The following CDH23 variants were observed in gnomAD, a reference collection of about 807,000 sequenced individuals.
CDH23 encodes the protein cadherin related 23, also known as cadherin-23.
A neutral mutation model predicts 317.1 loss-of-function variants in CDH23; 189 were observed. The observed-to-expected ratio is 0.60, with a 90% CI of 0.53 to 0.67. The LOEUF (loss-of-function observed/expected upper bound fraction) is 0.67, where lower values mean the gene tolerates loss of function less well. Among genes scored for constraint, CDH23 ranks in the 30% least tolerant of loss-of-function variants. The pLI, the probability that CDH23 is intolerant of heterozygous loss-of-function variation, is 0.00. For synonymous variants in CDH23, 1,839 were observed against 1,876.8 expected (o/e 0.98, Z 0.52); for missense variants, 4,401 against 4,592.4 (o/e 0.96, Z 1.20).
intron 14 of CDH23, among the ~76,000 whole-genome samples, chr10:71,655,399 G>T (rs1308943157): frequency 1.3e-5 from 2 of 152,008 alleles, no homozygotes; most frequent in African/African-American, 4.8e-5. Flanking sequence ...CTACTCACCT[G>T]CCTCTCCCTC....
chr10:71,611,873 C>A (rs914276511), intron 9 of CDH23, among the ~76,000 whole-genome samples: 2 of 152,144 alleles, frequency 1.3e-5, no homozygotes, highest in Non-Finnish European at 2.9e-5. Context: ...CTTTTCTTTA[C>A]CGATTCTCCA....
At chr10:71,549,542 T>C (rs1856468216) in intron 6 of CDH23, among the ~76,000 whole-genome samples, 1 of 152,156 alleles carries the variant, frequency 6.6e-6, no homozygotes, top group Non-Finnish European at 1.5e-5. Context: ...AAGCAGCAAT[T>C]CAAATCATGT....
intron 27 of CDH23, chr10:71,712,207 A>G (rs565638059): frequency 6.3e-6 from 1 of 158,122 alleles, no homozygotes; most frequent in Non-Finnish European, 1.4e-5. Context: ...GACACTTGCC[A>G]TTGGGTTTAT....
intron 44 of CDH23, among the ~76,000 whole-genome samples, chr10:71,786,143 A>G (rs903407439): frequency 6.6e-6 from 1 of 152,212 alleles, no homozygotes; most frequent in Admixed American, 6.5e-5. Context: ...ACCCACAAGC[A>G]TGCTCTGAGG....
chr10:71,666,121 G>T (rs1863881380), intron 14 of CDH23, among the ~76,000 whole-genome samples: 1 of 152,052 alleles, frequency 6.6e-6, no homozygotes, highest in South Asian at 2.1e-4. Context: ...CTCACCACTA[G>T]TCAGGTCCCC....
At chr10:71,408,514 G>A (rs1322180046) in intron 1 of CDH23, among the ~76,000 whole-genome samples, 5 of 152,114 alleles carry the variant, frequency 3.3e-5, no homozygotes, top group South Asian at 2.1e-4. Flanking sequence ...GCTGGTGACC[G>A]CTGGGTCTGA....
chr10:71,532,741 T>G (rs1202353508), intron 6 of CDH23, among the ~76,000 whole-genome samples: 10 of 128,442 alleles, frequency 7.8e-5, no homozygotes, highest in Admixed American at 3.9e-4. Flanking sequence ...TTTTTTTTTT[T>G]TTTTTTGAGA....
In CDH23 at chr10:71,799,638, T is replaced by C; in HGVS notation, c.7362+9T>C. 1 of 1,613,934 alleles carries C rather than the reference T, an allele frequency of 6.2e-7. No individual in the cohort carries two copies. Among genetic ancestry groups the C allele is most frequent in the Non-Finnish European group, 8.5e-7 (1 of 1,179,864 alleles). ...CCATCAACCCCACCACGGTGAGCAG[T>C]GATGGAGGGCCTGGAATTTGGAAGT... On this transcript the variant is annotated intron_variant, in intron 52 of 69. Transcript: ENST00000224721.
rs769501158 is a variant in CDH23, at chr10:71,811,355, A to C, written c.9118A>C (p.Asn3040His). 6 of 1,613,736 alleles carry C rather than the reference A, an allele frequency of 3.7e-6. No individual in the cohort carries two copies. The East Asian group carries it at 1.1e-4, about 30-fold the overall frequency. ...MIDENKEQLR[N>H]LFRNYNVLDV... The stretch of plus-strand genomic sequence containing the variant: ...CGATGAGAACAAGGAGCAGCTACGG[A>C]ATCTTTTCCGGAACTACAACGTCCT... Residue 3040 changes from asparagine to histidine, a missense_variant, in exon 63 of 70, where the codon AAT becomes CAT. By Grantham distance (68) the Asn-to-His change is moderately conservative. Transcript: ENST00000224721.
chr10:71,790,240 G>T (rs762598682), intron 45 of CDH23, 48 bp from the exon 46 acceptor site: 2 of 1,604,246 alleles, frequency 1.2e-6, no homozygotes, highest in South Asian at 1.1e-5. Flanking sequence ...AGGTGGGAGG[G>T]CAGGGGGCTG....
rs772233716 is a variant in CDH23, at chr10:71,643,809, G to C, written c.1135-52G>C. ...TCCTTCCTCCTCTCCATACCTCTCC[G>C]GCTCCTTCTGTCTGTCTCCATATCC... On this transcript the variant is annotated intron_variant, in intron 11 of 69. Coordinates refer to ENST00000224721, the MANE Select transcript of CDH23 (RefSeq NM_022124.6). 2.6e-5 allele frequency: 20 copies of C among 764,990 alleles called. No individual in the cohort carries two copies. In the East Asian group the frequency reaches 3.6e-4, roughly 14 times the overall value. 47.4% of individuals were successfully genotyped at this position (764,990 alleles called of 1,614,324 possible).
intron 28 of CDH23, among the ~76,000 whole-genome samples, chr10:71,722,615 T>C (rs963778031): frequency 1.3e-5 from 2 of 152,150 alleles, no homozygotes; most frequent in African/African-American, 4.8e-5. Flanking sequence ...AAAGATAGCA[T>C]GTATCAGAGG....
At chr10:71,449,795 A>T (rs1425037994) in intron 3 of CDH23, among the ~76,000 whole-genome samples, 1 of 152,100 alleles carries the variant, frequency 6.6e-6, no homozygotes, top group Non-Finnish European at 1.5e-5. Context: ...CTGCGTTCCA[A>T]CAGGGGGCCA....
At chr10:71,562,538 C>G (rs1857187112) in intron 6 of CDH23, among the ~76,000 whole-genome samples, 2 of 152,166 alleles carry the variant, frequency 1.3e-5, no homozygotes, top group Admixed American at 1.3e-4. Context: ...AGCAGAGGGT[C>G]TGGGTGAGCC....
At chr10:71,765,691 G>A (rs1201551228) in intron 38 of CDH23, among the ~76,000 whole-genome samples, 1 of 152,126 alleles carries the variant, frequency 6.6e-6, no homozygotes, top group Non-Finnish European at 1.5e-5. Context: ...GAGTACGGGA[G>A]AGGGGGCATT....
intron 47 of CDH23, among the ~76,000 whole-genome samples, chr10:71,791,601 G>A (rs1336089631): frequency 6.7e-6 from 1 of 148,922 alleles, no homozygotes; most frequent in African/African-American, 2.5e-5. Flanking sequence ...TTAAGACGGA[G>A]TTTTGCTCTT....
At chr10:71,398,921 C>T (rs16928777) in intron 1 of CDH23, among the ~76,000 whole-genome samples, 8,642 of 152,206 alleles carry the variant, frequency 0.057, 259 homozygotes, top group South Asian at 0.091. Context: ...ATCCTGGCCC[C>T]GTCTGTGCTG....
At chr10:71,714,646 G>A (rs906547313) in intron 28 of CDH23, 1 of 152,244 alleles carries the variant, frequency 6.6e-6, no homozygotes, top group Non-Finnish European at 1.5e-5. Context: ...AGCTCCCAGA[G>A]GGCACTGCAC....
intron 3 of CDH23, among the ~76,000 whole-genome samples, chr10:71,470,460 C>G (rs894323432): frequency 4.6e-5 from 7 of 152,074 alleles, no homozygotes; most frequent in Non-Finnish European, 8.8e-5. Context: ...CCTCCTACCC[C>G]CTAGCAATGT....
Sources: gnomAD v4.1 joint callset for allele counts (sites outside exome capture counted in the v4.1 genomes callset) on GRCh38, gnomAD v4.1.1 for gene constraint, MANE v1.5 for transcripts, NCBI Gene and HGNC (gene_info 2026-07-23, HGNC 2026-07-21) for gene names.